Variants in PPP2R2B observed in about 807,000 individuals in gnomAD.
The protein encoded by PPP2R2B is protein phosphatase 2 regulatory subunit Bbeta, also known as serine/threonine-protein phosphatase 2A 55 kDa regulatory subunit B beta isoform.
Under a neutral mutation model 46.0 loss-of-function variants are expected in PPP2R2B, and 5 were observed. The ratio of observed to expected loss-of-function variants is 0.11; its 90% CI spans 0.06 to 0.23. The LOEUF (loss-of-function observed/expected upper bound fraction) is 0.23. PPP2R2B is among the 10% of genes least tolerant of loss of function. The pLI is 1.00. For synonymous variants in PPP2R2B, 215 were observed against 206.7 expected (o/e 1.04, Z -0.34); for missense variants, 367 against 575.0 (o/e 0.64, Z 3.70).
intron 2 of PPP2R2B, among the ~76,000 whole-genome samples, chr5:146,873,664 T>A (rs1761737101): frequency 6.6e-6 from 1 of 152,038 alleles, no homozygotes; most frequent in African/African-American, 2.4e-5. Flanking sequence ...CAGACTGGAG[T>A]GCGGTGTCGC....
chr5:146,728,351 G>C (rs1219939579), intron 2 of PPP2R2B, among the ~76,000 whole-genome samples: 2 of 151,928 alleles, frequency 1.3e-5, no homozygotes. Context: ...CCCATGTTTA[G>C]TAATAAGAGA....
chr5:147,077,381 G>A (rs2151913456), intron 2 of PPP2R2B, among the ~76,000 whole-genome samples: 1 of 151,310 alleles, frequency 6.6e-6, no homozygotes, highest in African/African-American at 2.4e-5. Flanking sequence ...CCACACCTGA[G>A]GAAAACTGAA....
chr5:146,747,613 CA>C (rs1322123835), intron 2 of PPP2R2B, among the ~76,000 whole-genome samples: 2 of 152,248 alleles, frequency 1.3e-5, no homozygotes, highest in South Asian at 2.1e-4. Flanking sequence ...TAAAAACAAG[CA>C]CTGCATCAAA....
Position 146,590,242 on chromosome 5 carries a change from C to CAAAGGGAGTGACCGAGTATTACGGAG in PPP2R2B, c.1053-17_1053-16insCTCCGTAATACTCGGTCACTCCCTTT, listed in dbSNP as rs138432032. On this transcript the variant is annotated splice_polypyrimidine_tract_variant and intron_variant, in intron 9 of 9. Coordinates refer to ENST00000394411, the MANE Select transcript of PPP2R2B (RefSeq NM_181675.4). ...CATGATGACACTGCAAGGCAGAGAG[C>CAAAGGGAGTGACCGAGTATTACGGAG]AAAGGCAATGACATATCTTCACTGT... is the stretch of plus-strand genomic sequence containing the variant. The CAAAGGGAGTGACCGAGTATTACGGAG allele has an allele frequency of 0.044, 70,729 of 1,610,782 alleles. 5,221 individuals carry two copies. Among genetic ancestry groups the CAAAGGGAGTGACCGAGTATTACGGAG allele is most frequent in the African/African-American group, 0.34 (25,049 of 74,582 alleles).
At chr5:146,812,318 T>C (rs1249260187) in intron 2 of PPP2R2B, among the ~76,000 whole-genome samples, 1 of 150,120 alleles carries the variant, frequency 6.7e-6, no homozygotes, top group Non-Finnish European at 1.5e-5. Context: ...CTCTTCAGCA[T>C]GAAGATTCTG....
chr5:146,939,021 T>A (rs979351636), intron 1 of PPP2R2B, among the ~76,000 whole-genome samples: 3 of 152,052 alleles, frequency 2.0e-5, no homozygotes, highest in African/African-American at 7.2e-5. Context: ...GCTCAGGCAA[T>A]CAGATATGGG....
rs9763134 is a variant in PPP2R2B at position 147,012,914 on chromosome 5, T to A, written c.79+42751A>T. ...TTTGAGTGAGAATCTTAATCCTGAG[T>A]TCTAGTTTGATTGCACTGTGGTCTG... is the stretch of plus-strand genomic sequence containing the variant. On this transcript the variant is annotated intron_variant, in intron 1 of 8. Coordinates refer to the PPP2R2B transcript ENST00000336640. Among the ~76,000 whole-genome samples, 1,046 of 152,254 alleles carry A rather than the reference T, an allele frequency of 6.9e-3. 11 individuals are homozygous for A. Among genetic ancestry groups the A allele is most frequent in the African/African-American group, 0.024 (996 of 41,552 alleles).
At chr5:146,981,944 T>G (rs767972028) in intron 1 of PPP2R2B, among the ~76,000 whole-genome samples, 31 of 152,320 alleles carry the variant, frequency 2.0e-4, no homozygotes, top group Non-Finnish European at 3.2e-4. Context: ...TCTGCAGCAG[T>G]TGGCCCAGGT....
chr5:146,634,373 C>T (rs900194458), intron 7 of PPP2R2B, among the ~76,000 whole-genome samples: 4 of 151,988 alleles, frequency 2.6e-5, no homozygotes, highest in East Asian at 1.9e-4. Context: ...CTTGCTCTGT[C>T]GCCAAGGCTG....
intron 1 of PPP2R2B, among the ~76,000 whole-genome samples, chr5:147,047,521 A>G (rs779063046): frequency 3.9e-5 from 6 of 152,166 alleles, no homozygotes; most frequent in Non-Finnish European, 7.3e-5. Flanking sequence ...AAAGAGTATT[A>G]ATAATAGCTA....
At chr5:146,954,467 G>A (rs1316202568) in intron 1 of PPP2R2B, among the ~76,000 whole-genome samples, 1 of 152,110 alleles carries the variant, frequency 6.6e-6, no homozygotes, top group Non-Finnish European at 1.5e-5. Context: ...CTATGAGGAT[G>A]CAAAGGCATA....
At chr5:146,879,900 T>C (rs1336954237), upstream of PPP2R2B, among the ~76,000 whole-genome samples, 1 of 152,152 alleles carries the variant, frequency 6.6e-6, no homozygotes, top group African/African-American at 2.4e-5. Context: ...CATCAGCAAA[T>C]GTTTTGCTCA....
intron 1 of PPP2R2B, among the ~76,000 whole-genome samples, chr5:146,926,922 C>T (rs892249465): frequency 2.6e-5 from 4 of 152,176 alleles, no homozygotes; most frequent in African/African-American, 9.6e-5. Flanking sequence ...TCCCAACTCA[C>T]TCCCATCCAA....
chr5:146,903,462 C>T (rs1762904459), intron 1 of PPP2R2B, among the ~76,000 whole-genome samples: 2 of 140,340 alleles, frequency 1.4e-5, no homozygotes, highest in East Asian at 4.4e-4. Context: ...GTGGTACAAT[C>T]TTGGCTCAGT....
At chr5:146,854,914 GT>G (rs1319324349) in intron 2 of PPP2R2B, among the ~76,000 whole-genome samples, 8 of 152,204 alleles carry the variant, frequency 5.3e-5, no homozygotes, top group Middle Eastern at 3.4e-3. Flanking sequence ...CAGTTTTTAT[GT>G]TTTTAGAAAT....
At chr5:146,688,819 C>T (rs1450361130) in intron 5 of PPP2R2B, among the ~76,000 whole-genome samples, 3 of 152,082 alleles carry the variant, frequency 2.0e-5, no homozygotes, top group Admixed American at 6.5e-5. Context: ...CAGATGTCAT[C>T]TGAGAAATTC....
At chr5:146,653,716 G>C (rs528248782) in intron 5 of PPP2R2B, among the ~76,000 whole-genome samples, 2 of 152,282 alleles carry the variant, frequency 1.3e-5, no homozygotes, top group East Asian at 3.9e-4. Flanking sequence ...CCAGCCCACA[G>C]CTTCAGCTTA....
At chr5:146,883,127 G>A (rs140754284), upstream of PPP2R2B, among the ~76,000 whole-genome samples, 26 of 152,320 alleles carry the variant, frequency 1.7e-4, no homozygotes, top group East Asian at 5.0e-3. Flanking sequence ...TTAGGTGTCA[G>A]ACAGTCCTGG....
At chr5:146,906,076 T>C (rs1182268971) in intron 1 of PPP2R2B, among the ~76,000 whole-genome samples, 1 of 152,166 alleles carries the variant, frequency 6.6e-6, no homozygotes, top group Non-Finnish European at 1.5e-5. Context: ...ATTTTATAAG[T>C]TCTAAATAAA....
Sources: gnomAD v4.1 joint callset for allele counts (sites outside exome capture counted in the v4.1 genomes callset) on GRCh38, gnomAD v4.1.1 for gene constraint, MANE v1.5 for transcripts, NCBI Gene and HGNC (gene_info 2026-07-23, HGNC 2026-07-21) for gene names.